The following SCAPER variants were observed in gnomAD, a reference collection of about 807,000 sequenced individuals.
SCAPER encodes S-phase cyclin A associated protein in the ER, also known as S phase cyclin A-associated protein in the endoplasmic reticulum.
SCAPER carries 98 observed loss-of-function variants against 182.2 expected under a neutral mutation model. The ratio of observed to expected loss-of-function variants is 0.54; its 90% CI spans 0.46 to 0.64. The LOEUF (loss-of-function observed/expected upper bound fraction) is 0.64, where lower values mean the gene tolerates loss of function less well. Among genes scored for constraint, SCAPER ranks in the 30% least tolerant of loss-of-function variants. The pLI, the probability that SCAPER is intolerant of heterozygous loss-of-function variation, is 0.00. For synonymous variants in SCAPER, 605 were observed against 564.6 expected, an observed-to-expected ratio of 1.07 and a Z score of -1.01; for missense variants, 1,432 against 1,690.0, an observed-to-expected ratio of 0.85 and a Z score of 2.68.
chr15:76,467,706 A>G (rs1302622805), intron 25 of SCAPER, among the ~76,000 whole-genome samples: 1 of 152,166 alleles, frequency 6.6e-6, no homozygotes, highest in Non-Finnish European at 1.5e-5. Flanking sequence ...ACATTATAGA[A>G]CTTCTCATCC....
chr15:76,699,889 G>C (rs940157099), intron 20 of SCAPER, among the ~76,000 whole-genome samples: 1 of 152,166 alleles, frequency 6.6e-6, no homozygotes, highest in Admixed American at 6.5e-5. Flanking sequence ...CAATGGCAAC[G>C]GAGTCCATAC....
intron 8 of SCAPER, among the ~76,000 whole-genome samples, chr15:76,787,796 T>C (rs982134016): frequency 1.3e-5 from 2 of 152,104 alleles, no homozygotes; most frequent in African/African-American, 4.8e-5. Flanking sequence ...TCAGAATCTA[T>C]GGGTAGACAA....
intron 22 of SCAPER, among the ~76,000 whole-genome samples, chr15:76,579,498 C>T (rs554472314): frequency 3.6e-4 from 54 of 148,834 alleles, no homozygotes; most frequent in Middle Eastern, 6.9e-3. Flanking sequence ...TTGCAAGCTT[C>T]GTGGTAAACT....
At position 76,728,709 on chromosome 15, in the gene SCAPER, C is replaced by T. The variant is rs1452895132; in HGVS notation, c.2051G>A (p.Arg684Gln). The change falls in exon 17 of 32, where the codon CGG becomes CAG. Residue 684 changes from arginine to glutamine, a missense_variant. Arg to Gln is a conservative substitution (Grantham distance 43). This residue lies in a region of SCAPER where 88 missense variants were observed against 184.2 expected (regional missense o/e 0.48). Coordinates refer to ENST00000563290, the MANE Select transcript of SCAPER (RefSeq NM_020843.4). ...TAACAATTCTTCTACACGGGCCTGCCGCTCTGCCTCTAGAGCTCTCTTGCG... is the reference window on the plus strand; with the variant it reads ...TAACAATTCTTCTACACGGGCCTGCTGCTCTGCCTCTAGAGCTCTCTTGCG... ...QERKRALEAERQARVEELLMK... is the reference protein window; with the variant it reads ...QERKRALEAEQQARVEELLMK... 7.4e-6 allele frequency: 12 copies of T among 1,613,196 alleles called. No individual in the cohort carries two copies. The Admixed American group carries it at 1.5e-4, about 20-fold the overall frequency.
intron 29 of SCAPER, among the ~76,000 whole-genome samples, chr15:76,375,211 T>C (rs1596341248): frequency 1.7e-5 from 2 of 114,514 alleles, no homozygotes; most frequent in East Asian, 4.8e-4. Context: ...GAGCAAGAAC[T>C]TGTCAAAAAA....
intron 21 of SCAPER, among the ~76,000 whole-genome samples, chr15:76,622,256 G>A (rs1230231806): frequency 6.6e-6 from 1 of 152,020 alleles, no homozygotes; most frequent in Non-Finnish European, 1.5e-5. Context: ...ATCCATTGTT[G>A]ACTTAATTTG....
intron 5 of SCAPER, among the ~76,000 whole-genome samples, chr15:76,828,971 C>T (rs933285622): frequency 9.2e-5 from 14 of 152,174 alleles, no homozygotes; most frequent in South Asian, 4.1e-4. Context: ...CCAAAGGAAA[C>T]GAAGTCCTTG....
intron 27 of SCAPER, among the ~76,000 whole-genome samples, chr15:76,402,313 A>C (rs2044517888): frequency 6.6e-6 from 1 of 152,154 alleles, no homozygotes; most frequent in Admixed American, 6.5e-5. Flanking sequence ...GGAGGTGTTA[A>C]ACTCCTCTGC....
intron 20 of SCAPER, among the ~76,000 whole-genome samples, chr15:76,669,744 T>C (rs1310908270): frequency 6.6e-6 from 1 of 152,190 alleles, no homozygotes; most frequent in Non-Finnish European, 1.5e-5. Context: ...CTTTACAAGA[T>C]CAAGGTTTTT....
At chr15:76,882,789 T>C (rs868734194) in intron 2 of SCAPER, among the ~76,000 whole-genome samples, 13 of 152,152 alleles carry the variant, frequency 8.5e-5, no homozygotes, top group Non-Finnish European at 1.5e-4. Context: ...CTCAGCCTCC[T>C]GAGTAGCTGG....
chr15:76,420,004 T>C (rs770742519), intron 26 of SCAPER, among the ~76,000 whole-genome samples: 10 of 152,144 alleles, frequency 6.6e-5, no homozygotes, highest in African/African-American at 1.9e-4. Flanking sequence ...ATAAATGTGA[T>C]ACACCACATG....
chr15:76,605,358 T>C (rs970580468), intron 22 of SCAPER, among the ~76,000 whole-genome samples: 2 of 152,178 alleles, frequency 1.3e-5, no homozygotes, highest in African/African-American at 4.8e-5. Context: ...CAGCCTTGCA[T>C]CCCAGGGATG....
chr15:76,373,464 T>A (rs1037382587), intron 29 of SCAPER, among the ~76,000 whole-genome samples: 2 of 152,160 alleles, frequency 1.3e-5, no homozygotes, highest in Non-Finnish European at 2.9e-5. Flanking sequence ...CACGGATGAT[T>A]TCCCTCAACT....
intron 17 of SCAPER, among the ~76,000 whole-genome samples, chr15:76,707,845 C>A (rs2059339485): frequency 6.6e-6 from 1 of 151,222 alleles, no homozygotes; most frequent in African/African-American, 2.4e-5. Flanking sequence ...ATGTCCACAT[C>A]ATAAATTATA....
At position 76,781,865 on chromosome 15, in the gene SCAPER, C is replaced by A. The variant is rs150202007; in HGVS notation, c.773-6748G>T. On this transcript the variant is annotated intron_variant, in intron 8 of 31. Transcript: ENST00000563290. ...AGAGATTTTCTCACCACCAGGCCTG[C>A]CCTAAAAGAGCTCCTGAAGGAAGAA... Among the ~76,000 whole-genome samples the A allele has an allele frequency of 3.9e-3, 601 of 152,228 alleles. 3 individuals are homozygous for A. The highest frequency in any genetic ancestry group is 0.014 in the African/African-American group (582 of 41,524).
intron 4 of SCAPER, among the ~76,000 whole-genome samples, chr15:76,851,734 A>T (rs1452243631): frequency 6.6e-5 from 10 of 152,204 alleles, no homozygotes; most frequent in Admixed American, 6.5e-4. Flanking sequence ...ATACAAAAAC[A>T]CACTTAAATA....
At chr15:76,639,658 T>G (rs1015379806) in intron 21 of SCAPER, among the ~76,000 whole-genome samples, 1 of 152,166 alleles carries the variant, frequency 6.6e-6, no homozygotes, top group African/African-American at 2.4e-5. Flanking sequence ...GTAAAGATTA[T>G]GAGGACTTAC....
At chr15:76,677,063 C>T (rs907075709) in intron 20 of SCAPER, among the ~76,000 whole-genome samples, 2 of 152,006 alleles carry the variant, frequency 1.3e-5, no homozygotes, top group African/African-American at 4.8e-5. Context: ...ATGTCACAGG[C>T]ACAAGTAAAA....
chr15:76,853,459 C>T (rs1262160805), intron 4 of SCAPER, among the ~76,000 whole-genome samples: 1 of 151,268 alleles, frequency 6.6e-6, no homozygotes, highest in Admixed American at 6.6e-5. Context: ...TTCAGCAGTA[C>T]ATTAAAAATC....
Sources: allele counts gnomAD v4.1 joint callset (sites outside exome capture counted in the v4.1 genomes callset), GRCh38; gene constraint gnomAD v4.1.1; regional missense constraint gnomAD v4.1.1; transcripts MANE v1.5; gene names NCBI Gene and HGNC (gene_info 2026-07-23, HGNC 2026-07-21).